CUBN: variants seen among roughly 807,000 people sequenced by gnomAD.
The protein encoded by CUBN is 460 kDa receptor.
A neutral mutation model predicts 405.3 loss-of-function variants in CUBN; 282 were observed. That is an observed-to-expected ratio of 0.70 (90% CI 0.63 to 0.77). The LOEUF (loss-of-function observed/expected upper bound fraction) is 0.77. Ranked by LOEUF, CUBN falls within the 30% of genes least tolerant of loss-of-function variation. The pLI, the probability that CUBN is intolerant of heterozygous loss-of-function variation, is 0.00. For missense variants in CUBN, 4,514 were observed against 4,475.2 expected, an observed-to-expected ratio of 1.01 and a Z score of -0.25; for synonymous variants, 1,684 against 1,617.0, an observed-to-expected ratio of 1.04 and a Z score of -0.99.
chr10:16,970,195 A>G (rs1588534048), intron 31 of CUBN, among the ~76,000 whole-genome samples: 1 of 152,236 alleles, frequency 6.6e-6, no homozygotes, highest in East Asian at 1.9e-4. Flanking sequence ...CAAAGCAAGG[A>G]CACTTTCCAT....
At chr10:17,054,387 T>C (rs1835343341) in intron 22 of CUBN, among the ~76,000 whole-genome samples, 1 of 150,566 alleles carries the variant, frequency 6.6e-6, no homozygotes, top group Non-Finnish European at 1.5e-5. Flanking sequence ...AGGCTATATC[T>C]ATATCTATCT....
intron 28 of CUBN, among the ~76,000 whole-genome samples, chr10:17,009,836 C>T (rs1046785135): frequency 2.0e-5 from 3 of 152,220 alleles, no homozygotes; most frequent in Admixed American, 6.5e-5. Flanking sequence ...ACACTTCTGT[C>T]CCTGGGGGAA....
chr10:16,844,589 G>A (rs1006329210), intron 60 of CUBN, among the ~76,000 whole-genome samples: 4 of 152,224 alleles, frequency 2.6e-5, no homozygotes, highest in Non-Finnish European at 5.9e-5. Context: ...TGGATGGAAG[G>A]AAATGACATA....
Position 17,099,801 on chromosome 10 carries a change from G to A in CUBN, c.1765+204C>T, listed in dbSNP as rs556169693. On this transcript the variant is annotated intron_variant, in intron 14 of 66. Transcript: ENST00000377833. ...AAGGAGGTCGACGTTTCAGTGAGCC[G>A]TGATCAGGCCACTGCACTCCAGCCT... Among the ~76,000 whole-genome samples the A allele has an allele frequency of 9.0e-5, 13 of 145,198 alleles. No homozygotes were observed. The East Asian group carries it at 1.5e-3, about 17-fold the overall frequency.
chr10:16,990,621 T>C, intron 28 of CUBN, 106 bp from the exon 29 acceptor site: 2 of 887,514 alleles, frequency 2.3e-6, no homozygotes, highest in Non-Finnish European at 3.5e-6. Flanking sequence ...CAATGCTTAA[T>C]TTAGGAGAAA....
At chr10:16,881,872 A>C (rs565535090) in intron 56 of CUBN, among the ~76,000 whole-genome samples, 46 of 152,124 alleles carry the variant, frequency 3.0e-4, no homozygotes, top group Non-Finnish European at 4.6e-4. Flanking sequence ...CACATATATC[A>C]TATTCTAAAG....
intron 53 of CUBN, among the ~76,000 whole-genome samples, chr10:16,899,542 T>C (rs1313386025): frequency 6.6e-6 from 1 of 152,212 alleles, no homozygotes; most frequent in African/African-American, 2.4e-5. Flanking sequence ...TGTATTTTAT[T>C]ACCATTCACA....
intron 39 of CUBN, among the ~76,000 whole-genome samples, chr10:16,934,103 C>T (rs767083655): frequency 6.6e-6 from 1 of 152,146 alleles, no homozygotes; most frequent in African/African-American, 2.4e-5. Flanking sequence ...TGCTCATTTT[C>T]ACAGCTACTG....
rs67084462 is a variant in CUBN at position 16,901,889 on chromosome 10, GTATATATATA to G, written c.8063-440_8063-431del. ...ATATTATATATATACACCATATATA[GTATATATATA>G]TATATATATATATATATATACACAC... On this transcript the variant is annotated intron_variant, in intron 51 of 66. Transcript: ENST00000377833. 3.9e-3 allele frequency among the ~76,000 whole-genome samples: 427 copies of G among 109,184 alleles called. 4 individuals are homozygous for G. The highest frequency in any genetic ancestry group is 0.011 in the South Asian group (37 of 3,464). The allele number at this position is 109,184 out of a possible 152,430, so 71.6% of individuals were successfully genotyped here. A position where few individuals can be genotyped will look rare whatever the true frequency, so the allele number is the denominator to read the frequency against.
chr10:16,864,077 T>C (rs1047777778), intron 59 of CUBN, among the ~76,000 whole-genome samples: 7 of 152,216 alleles, frequency 4.6e-5, no homozygotes, highest in Admixed American at 3.3e-4. Context: ...ATGTGTTCTA[T>C]ATGGTATATT....
intron 56 of CUBN, among the ~76,000 whole-genome samples, chr10:16,886,840 G>A (rs1200355456): frequency 6.6e-6 from 1 of 152,238 alleles, no homozygotes; most frequent in Non-Finnish European, 1.5e-5. Context: ...CCAGGCTGGA[G>A]TGCAATGGCA....
intron 29 of CUBN, among the ~76,000 whole-genome samples, chr10:16,988,144 C>A (rs566564364): frequency 6.6e-6 from 1 of 152,126 alleles, no homozygotes; most frequent in Non-Finnish European, 1.5e-5. Flanking sequence ...TGACACAACC[C>A]GAAACACAAT....
intron 31 of CUBN, among the ~76,000 whole-genome samples, chr10:16,958,839 T>G (rs532336445): frequency 6.6e-6 from 1 of 152,186 alleles, no homozygotes; most frequent in African/African-American, 2.4e-5. Context: ...TGTGATACCA[T>G]AGAATACCTG....
In CUBN at chr10:16,869,531, G is replaced by T. The variant is rs983591716; in HGVS notation, c.9454+105C>A. 2.5e-5 allele frequency: 21 copies of T among 842,136 alleles called. No individual in the cohort carries two copies. In the African/African-American group the frequency reaches 4.1e-4, roughly 16 times the overall value. 52.2% of individuals were successfully genotyped at this position (842,136 alleles called of 1,614,324 possible). Reference sequence around the variant, plus strand: ...ATGGCATATTCTTCTAAGCTTCAAGGAAAAGCAATCATAATCAGGTGGGGG... The same window carrying T: ...ATGGCATATTCTTCTAAGCTTCAAGTAAAAGCAATCATAATCAGGTGGGGG... On this transcript the variant is annotated intron_variant, in intron 59 of 66. Coordinates refer to ENST00000377833, the MANE Select transcript of CUBN (RefSeq NM_001081.4).
At chr10:16,851,896 C>T (rs1839706324) in intron 59 of CUBN, among the ~76,000 whole-genome samples, 1 of 132,406 alleles carries the variant, frequency 7.6e-6, no homozygotes. Flanking sequence ...CTCCATCTTT[C>T]CCTCCCTGAC....
At chr10:16,893,104 G>A (rs919582852) in intron 54 of CUBN, among the ~76,000 whole-genome samples, 8 of 152,136 alleles carry the variant, frequency 5.3e-5, no homozygotes, top group East Asian at 1.9e-4. Flanking sequence ...CCTACAAAAT[G>A]TTACTTAACT....
intron 43 of CUBN, among the ~76,000 whole-genome samples, chr10:16,921,061 A>T (rs1842020101): frequency 6.6e-6 from 1 of 152,180 alleles, no homozygotes; most frequent in African/African-American, 2.4e-5. Context: ...CAAGCCATTC[A>T]TTCATGGAAA....
intron 31 of CUBN, among the ~76,000 whole-genome samples, chr10:16,956,690 T>C (rs968219777): frequency 6.6e-6 from 1 of 152,124 alleles, no homozygotes; most frequent in Non-Finnish European, 1.5e-5. Context: ...TATCAAAGGA[T>C]AATGAATACC....
intron 28 of CUBN, among the ~76,000 whole-genome samples, chr10:17,010,085 A>G (rs1335488205): frequency 6.6e-6 from 1 of 152,138 alleles, no homozygotes; most frequent in African/African-American, 2.4e-5. Context: ...CTTGCCCCAG[A>G]CCCCATCCTC....
Sources: gnomAD v4.1 joint callset for allele counts (sites outside exome capture counted in the v4.1 genomes callset) on GRCh38, gnomAD v4.1.1 for gene constraint, MANE v1.5 for transcripts, NCBI Gene and HGNC (gene_info 2026-07-23, HGNC 2026-07-21) for gene names.